The following ZNF804A variants were observed in gnomAD, a reference collection of about 807,000 sequenced individuals.
ZNF804A encodes the protein zinc finger protein 804A.
In ZNF804A, 2 loss-of-function variants were observed where a neutral mutation model predicts 16.5. The ratio of observed to expected loss-of-function variants is 0.12; its 90% CI spans 0.05 to 0.38. ZNF804A has a LOEUF of 0.38. ZNF804A is among the 10% of genes least tolerant of loss of function. The pLI, the probability that ZNF804A is intolerant of heterozygous loss-of-function variation, is 0.99. For synonymous variants in ZNF804A, 534 were observed against 489.6 expected (o/e 1.09, Z -1.20); for missense variants, 1,473 against 1,390.7 (o/e 1.06, Z -0.94).
intron 1 of ZNF804A, among the ~76,000 whole-genome samples, chr2:184,830,284 T>A (rs1045620400): frequency 6.6e-6 from 1 of 152,160 alleles, no homozygotes; most frequent in African/African-American, 2.4e-5. Flanking sequence ...GTCTATTAAA[T>A]GGACAGAAAT....
chr2:184,898,207 T>A (rs1190280247), intron 2 of ZNF804A, among the ~76,000 whole-genome samples: 4 of 152,148 alleles, frequency 2.6e-5, no homozygotes. Context: ...GGTAGAGCAT[T>A]AGAAATTTCT....
intron 1 of ZNF804A, among the ~76,000 whole-genome samples, chr2:184,680,418 A>G (rs1412561855): frequency 6.6e-6 from 1 of 152,090 alleles, no homozygotes. Context: ...TGATTGCTGA[A>G]CAGATGGGAT....
intron 2 of ZNF804A, among the ~76,000 whole-genome samples, chr2:184,867,334 T>C (rs1695891152): frequency 6.6e-6 from 1 of 152,134 alleles, no homozygotes; most frequent in African/African-American, 2.4e-5. Flanking sequence ...TGCCGAGTAC[T>C]CATTTTGATA....
At chr2:184,759,692 C>T (rs1050953951) in intron 1 of ZNF804A, among the ~76,000 whole-genome samples, 12 of 151,982 alleles carry the variant, frequency 7.9e-5, no homozygotes, top group African/African-American at 2.9e-4. Flanking sequence ...ATCCAGATGA[C>T]CTGAAGTAAC....
chr2:184,879,224 G>A (rs918387058), intron 2 of ZNF804A, among the ~76,000 whole-genome samples: 1 of 151,844 alleles, frequency 6.6e-6, no homozygotes, highest in Non-Finnish European at 1.5e-5. Flanking sequence ...TTGGTAATTT[G>A]AGGTTGAAAA....
intron 2 of ZNF804A, among the ~76,000 whole-genome samples, chr2:184,919,683 G>A (rs1277361617): frequency 6.6e-6 from 1 of 152,060 alleles, no homozygotes; most frequent in East Asian, 1.9e-4. Flanking sequence ...CAACCCATTG[G>A]CCACAGCTCA....
At chr2:184,638,075 T>C (rs927767727) in intron 1 of ZNF804A, among the ~76,000 whole-genome samples, 11 of 152,324 alleles carry the variant, frequency 7.2e-5, no homozygotes, top group Non-Finnish European at 1.0e-4. Flanking sequence ...AATCCTGTTG[T>C]TGTGTGCCAG....
chr2:184,638,088 A>G (rs1447872576), intron 1 of ZNF804A, among the ~76,000 whole-genome samples: 1 of 152,206 alleles, frequency 6.6e-6, no homozygotes, highest in Non-Finnish European at 1.5e-5. Flanking sequence ...TGTGCCAGTT[A>G]ATATCCCCGT....
intron 1 of ZNF804A, among the ~76,000 whole-genome samples, chr2:184,827,468 A>G (rs939100087): frequency 4.1e-4 from 60 of 146,622 alleles, no homozygotes; most frequent in Non-Finnish European, 6.7e-4. Context: ...ATTTATATAT[A>G]CTATAATATA....
At chr2:184,765,356 A>G (rs1359213187) in intron 1 of ZNF804A, among the ~76,000 whole-genome samples, 1 of 152,176 alleles carries the variant, frequency 6.6e-6, no homozygotes, top group Non-Finnish European at 1.5e-5. Flanking sequence ...CTCCAAAGAA[A>G]GAAGTAAAAA....
At chr2:184,860,124 G>A (rs1196221716) in intron 1 of ZNF804A, among the ~76,000 whole-genome samples, 1 of 152,214 alleles carries the variant, frequency 6.6e-6, no homozygotes, top group East Asian at 1.9e-4. Flanking sequence ...CCTTGGCACT[G>A]GAGTATACTA....
At chr2:184,668,582 C>T (rs1692289285) in intron 1 of ZNF804A, among the ~76,000 whole-genome samples, 1 of 151,752 alleles carries the variant, frequency 6.6e-6, no homozygotes, top group Non-Finnish European at 1.5e-5. Context: ...AGGAGCCCCT[C>T]AGAAGGTTCA....
At chr2:184,933,409 T>C (rs1685735924) in intron 2 of ZNF804A, among the ~76,000 whole-genome samples, 194 bp from the exon 3 acceptor site, 1 of 152,190 alleles carries the variant, frequency 6.6e-6, no homozygotes, top group African/African-American at 2.4e-5. Context: ...TATGATGTAA[T>C]AATATGCTTT....
intron 1 of ZNF804A, among the ~76,000 whole-genome samples, chr2:184,671,574 C>T (rs1232033723): frequency 6.6e-6 from 1 of 152,108 alleles, no homozygotes; most frequent in East Asian, 1.9e-4. Flanking sequence ...AACGGCATTC[C>T]TCTGGGGTAC....
intron 2 of ZNF804A, among the ~76,000 whole-genome samples, chr2:184,926,283 AAT>A (rs1047792268): frequency 1.2e-4 from 10 of 84,460 alleles, no homozygotes; most frequent in Non-Finnish European, 2.1e-4. Flanking sequence ...TTCTAGGGTA[AAT>A]TTTTTTTTTT....
intron 1 of ZNF804A, among the ~76,000 whole-genome samples, chr2:184,610,198 A>G (rs1319206794): frequency 6.6e-6 from 1 of 152,224 alleles, no homozygotes; most frequent in Non-Finnish European, 1.5e-5. Context: ...CCCCGCCAGT[A>G]AGAAGCTTGT....
At chr2:184,757,774 T>C (rs142561063) in intron 1 of ZNF804A, among the ~76,000 whole-genome samples, 1 of 152,014 alleles carries the variant, frequency 6.6e-6, no homozygotes, top group Non-Finnish European at 1.5e-5. Context: ...GCCATGAGAT[T>C]CAAAGTGATT....
intron 1 of ZNF804A, among the ~76,000 whole-genome samples, chr2:184,828,073 A>T (rs1687025823): frequency 6.6e-6 from 1 of 151,886 alleles, no homozygotes; most frequent in Non-Finnish European, 1.5e-5. Flanking sequence ...TATAACCATG[A>T]TAATGACAAA....
chr2:184,630,956 A>G (rs1472199492), intron 1 of ZNF804A, among the ~76,000 whole-genome samples: 3 of 152,190 alleles, frequency 2.0e-5, no homozygotes, highest in Non-Finnish European at 4.4e-5. Flanking sequence ...GATTGGATTT[A>G]ATAAATATGT....
Sources: gnomAD v4.1 joint callset for allele counts (sites outside exome capture counted in the v4.1 genomes callset) on GRCh38, gnomAD v4.1.1 for gene constraint, MANE v1.5 for transcripts, NCBI Gene and HGNC (gene_info 2026-07-23, HGNC 2026-07-21) for gene names.